The following MAPRE2 variants were observed in gnomAD, a reference collection of about 807,000 sequenced individuals.
The protein encoded by MAPRE2 is microtubule-associated protein RP/EB family member 2.
MAPRE2 carries 13 observed loss-of-function variants against 43.2 expected under a neutral mutation model. That is an observed-to-expected ratio of 0.30 (90% CI 0.20 to 0.48). The LOEUF is 0.48. Ranked by LOEUF, MAPRE2 falls within the 20% of genes least tolerant of loss-of-function variation. The pLI is 0.99. For synonymous variants in MAPRE2, 135 were observed against 148.8 expected, an observed-to-expected ratio of 0.91 and a Z score of 0.68; for missense variants, 161 against 400.2, an observed-to-expected ratio of 0.40 and a Z score of 5.10.
At chr18:34,996,134 T>G (rs2097026400) in intron 1 of MAPRE2, among the ~76,000 whole-genome samples, 1 of 152,128 alleles carries the variant, frequency 6.6e-6, no homozygotes, top group Non-Finnish European at 1.5e-5. Context: ...CAGTCAGGAA[T>G]TTTTCCACCC....
chr18:35,025,874 G>A (rs1229891946), intron 2 of MAPRE2, among the ~76,000 whole-genome samples: 2 of 152,184 alleles, frequency 1.3e-5, no homozygotes, highest in Non-Finnish European at 2.9e-5. Flanking sequence ...CTGATACCAG[G>A]TGGCAAAACT....
chr18:35,120,534 C>T (rs965769018), intron 4 of MAPRE2, among the ~76,000 whole-genome samples: 4 of 152,116 alleles, frequency 2.6e-5, no homozygotes, highest in Admixed American at 1.3e-4. Context: ...AGTGACAGTA[C>T]GGAGGCAGTT....
intron 1 of MAPRE2, among the ~76,000 whole-genome samples, chr18:35,054,424 T>G (rs1273024363): frequency 1.3e-5 from 2 of 152,246 alleles, no homozygotes; most frequent in African/African-American, 4.8e-5. Flanking sequence ...TGGGTGCCAC[T>G]TATTTCGTTT....
intron 1 of MAPRE2, among the ~76,000 whole-genome samples, chr18:34,999,989 T>C (rs1489904604): frequency 6.6e-6 from 1 of 151,804 alleles, no homozygotes; most frequent in African/African-American, 2.4e-5. Flanking sequence ...AAGATTAATA[T>C]CTAGTAGGCT....
chr18:35,109,667 C>T (rs1404468744), intron 4 of MAPRE2, among the ~76,000 whole-genome samples: 1 of 152,106 alleles, frequency 6.6e-6, no homozygotes, highest in Non-Finnish European at 1.5e-5. Flanking sequence ...CTTACTGTTG[C>T]ATGGCATCAT....
intron 2 of MAPRE2, among the ~76,000 whole-genome samples, chr18:35,095,319 T>C (rs1053187165): frequency 2.0e-5 from 3 of 151,710 alleles, no homozygotes; most frequent in Non-Finnish European, 4.4e-5. Flanking sequence ...AAAATGGGTA[T>C]AATGTGATTA....
intron 2 of MAPRE2, among the ~76,000 whole-genome samples, chr18:35,018,204 A>T (rs1309331972): frequency 6.6e-6 from 1 of 151,864 alleles, no homozygotes; most frequent in Non-Finnish European, 1.5e-5. Context: ...TGTTGGATTT[A>T]ACTTGCTAGT....
chr18:34,978,644 C>G (rs2097014494), intron 1 of MAPRE2: 5 of 993,384 alleles, frequency 5.0e-6, no homozygotes, highest in South Asian at 1.4e-5. Flanking sequence ...TAGCCAGTGT[C>G]CCCTCTGGAA....
intron 2 of MAPRE2, among the ~76,000 whole-genome samples, chr18:35,092,091 C>G (rs1908178333): frequency 6.6e-6 from 1 of 152,206 alleles, no homozygotes; most frequent in Admixed American, 6.5e-5. Context: ...CACAAGAACT[C>G]ACTGCTTACT....
At position 35,041,479 on chromosome 18, in the gene MAPRE2, G is replaced by C; in HGVS notation, c.-61G>C. On this transcript the variant is annotated 5_prime_UTR_variant, in exon 1 of 7. Coordinates refer to ENST00000300249, the MANE Select transcript of MAPRE2 (RefSeq NM_014268.4). ...GGAGCAGGCGAGCGAGCGGGAAGACGCAGCCACCTTCCTCACCAGCCAGCC... is the reference window on the plus strand; with the variant it reads ...GGAGCAGGCGAGCGAGCGGGAAGACCCAGCCACCTTCCTCACCAGCCAGCC... 6.8e-6 allele frequency: 11 copies of C among 1,612,444 alleles called. No individual in the cohort carries two copies. Among genetic ancestry groups the C allele is most frequent in the Non-Finnish European group, 9.3e-6 (11 of 1,179,238 alleles).
intron 1 of MAPRE2, among the ~76,000 whole-genome samples, chr18:35,055,431 A>G (rs1309717418): frequency 2.6e-5 from 4 of 152,158 alleles, no homozygotes; most frequent in Admixed American, 1.3e-4. Context: ...TTAATCCAGT[A>G]TATCCTCACC....
intron 2 of MAPRE2, among the ~76,000 whole-genome samples, chr18:35,081,325 C>T (rs1470843822): frequency 6.6e-6 from 1 of 151,960 alleles, no homozygotes; most frequent in Non-Finnish European, 1.5e-5. Flanking sequence ...CTAGAGTGTA[C>T]CTAGAAAGCA....
intron 1 of MAPRE2, among the ~76,000 whole-genome samples, chr18:35,065,407 G>T (rs888764199): frequency 6.6e-6 from 1 of 152,076 alleles, no homozygotes; most frequent in African/African-American, 2.4e-5. Flanking sequence ...TCAAGTAGGG[G>T]CAATAAATGC....
chr18:35,086,126 G>T (rs1306131538), intron 2 of MAPRE2, among the ~76,000 whole-genome samples: 1 of 152,046 alleles, frequency 6.6e-6, no homozygotes, highest in Non-Finnish European at 1.5e-5. Context: ...TAGTTCCTTG[G>T]CCTGTGAGGA....
rs748843948 is a variant in MAPRE2 at position 35,140,378 on chromosome 18, G to A, written c.*9G>A. The A allele has an allele frequency of 4.1e-5, 66 of 1,604,836 alleles. No homozygotes were observed. Among genetic ancestry groups the A allele is most frequent in the East Asian group, 2.7e-4 (12 of 44,332 alleles). ...AGCAGGAAGAGTACTGACCCACCCC[G>A]GCTGCTCTTGACACTTCCATTGTGT... On this transcript the variant is annotated 3_prime_UTR_variant, in exon 7 of 7. Coordinates refer to ENST00000300249, the MANE Select transcript of MAPRE2 (RefSeq NM_014268.4).
intron 2 of MAPRE2, among the ~76,000 whole-genome samples, chr18:35,012,799 G>T (rs1479738012): frequency 6.6e-6 from 1 of 152,154 alleles, no homozygotes; most frequent in East Asian, 1.9e-4. Flanking sequence ...TTAGGGGAAT[G>T]AAAACATTCT....
At chr18:35,096,801 TTAATACTTAATAAG>T (rs1374088843) in intron 2 of MAPRE2, among the ~76,000 whole-genome samples, 17 of 104,168 alleles carry the variant, frequency 1.6e-4, no homozygotes, top group East Asian at 6.3e-4. Flanking sequence ...TAAGTAATAC[TTAATACTTAATAAG>T]TAATACTTAA....
chr18:35,063,152 G>A lies in MAPRE2; in HGVS notation c.123-7043G>A, dbSNP rs903539471. Among the ~76,000 whole-genome samples the A allele has an allele frequency of 1.2e-4, 18 of 151,972 alleles. No homozygotes were observed. The East Asian group carries it at 2.5e-3, about 21-fold the overall frequency. On this transcript the variant is annotated intron_variant, in intron 1 of 6. Transcript: ENST00000300249. The stretch of plus-strand genomic sequence containing the variant: ...GGAGTCTCACTCTGTCGCCCAGGCC[G>A]GAGTGCAGTGGCGCGATCTCGGCTC...
intron 1 of MAPRE2, among the ~76,000 whole-genome samples, chr18:34,992,205 C>T (rs1172607053): frequency 6.6e-6 from 1 of 152,066 alleles, no homozygotes; most frequent in Admixed American, 6.5e-5. Flanking sequence ...AAAAGTATTA[C>T]AGACAAGTAA....
Sources: allele counts gnomAD v4.1 joint callset (sites outside exome capture counted in the v4.1 genomes callset), GRCh38; gene constraint gnomAD v4.1.1; transcripts MANE v1.5; gene names NCBI Gene and HGNC (gene_info 2026-07-23, HGNC 2026-07-21).